Variants in SRGAP3 observed in about 807,000 individuals in gnomAD.
SRGAP3 encodes SLIT-ROBO Rho GTPase-activating protein 3.
Under a neutral mutation model 121.1 loss-of-function variants are expected in SRGAP3, and 39 were observed. The observed-to-expected ratio is 0.32, with a 90% CI of 0.25 to 0.42. The LOEUF is 0.42. Ranked by LOEUF, SRGAP3 falls within the 10% of genes least tolerant of loss-of-function variation. The pLI is 1.00. For missense variants in SRGAP3, 1,213 were observed against 1,470.6 expected (o/e 0.82, Z 2.86); for synonymous variants, 601 against 570.0 (o/e 1.05, Z -0.77).
intron 1 of SRGAP3, among the ~76,000 whole-genome samples, chr3:9,185,283 T>C (rs1016416777): frequency 2.0e-5 from 3 of 152,186 alleles, no homozygotes; most frequent in Admixed American, 6.5e-5. Flanking sequence ...TCTTCCACAC[T>C]GAGCCTCTCT....
At chr3:9,009,955 A>C (rs1223203952) in intron 18 of SRGAP3, among the ~76,000 whole-genome samples, 2 of 152,220 alleles carry the variant, frequency 1.3e-5, no homozygotes, top group African/African-American at 4.8e-5. Flanking sequence ...GGCACAGAGC[A>C]GACCCTCAAA....
intron 10 of SRGAP3, among the ~76,000 whole-genome samples, chr3:9,040,762 T>A (rs866301244): frequency 4.1e-4 from 62 of 152,272 alleles, no homozygotes; most frequent in African/African-American, 1.4e-3. Context: ...TCTTACTATG[T>A]TGCCCAGGCT....
At chr3:9,088,867 T>A (rs1055560034) in intron 3 of SRGAP3, among the ~76,000 whole-genome samples, 9 of 152,094 alleles carry the variant, frequency 5.9e-5, no homozygotes, top group Non-Finnish European at 1.2e-4. Flanking sequence ...GCCCCTTCGG[T>A]ACGGGCTTGT....
At chr3:9,269,953 GA>G (rs1225266023) in intron 3 of SRGAP3, among the ~76,000 whole-genome samples, 1 of 152,114 alleles carries the variant, frequency 6.6e-6, no homozygotes, top group Non-Finnish European at 1.5e-5. Flanking sequence ...AAATCATAAG[GA>G]AACGGTTCTC....
At chr3:9,212,713 CA>C (rs944560518) in intron 1 of SRGAP3, among the ~76,000 whole-genome samples, 45 of 152,050 alleles carry the variant, frequency 3.0e-4, no homozygotes, top group Non-Finnish European at 5.6e-4. Context: ...GACTCCGTCT[CA>C]AAAAAAGAAA....
At position 8,994,357 on chromosome 3, in the gene SRGAP3, T is replaced by C. The variant is rs1347379915; in HGVS notation, c.2394A>G (p.Ile798Met). 6.2e-7 allele frequency: 1 copy of C among 1,614,050 alleles called. No individual in the cohort carries two copies. The highest frequency in any genetic ancestry group is 8.5e-7 in the Non-Finnish European group (1 of 1,180,050). Residue 798 changes from isoleucine to methionine, a missense_variant, in exon 19 of 22, where the codon ATA becomes ATG. Ile to Met is a conservative substitution (Grantham distance 10). Coordinates refer to ENST00000383836, the MANE Select transcript of SRGAP3 (RefSeq NM_014850.4). Reference protein sequence around the residue: ...GVDGLIPHQYIVVQDMDDAFS... With the variant: ...GVDGLIPHQYMVVQDMDDAFS... ...ACTCCACTCACATGTCCTGTACAACTATGTACTGATGGGGGATGAGTCCAT... is the reference window on the plus strand; with the variant it reads ...ACTCCACTCACATGTCCTGTACAACCATGTACTGATGGGGGATGAGTCCAT...
chr3:9,189,597 C>T (rs143485173), intron 1 of SRGAP3, among the ~76,000 whole-genome samples: 570 of 152,320 alleles, frequency 3.7e-3, no homozygotes, highest in African/African-American at 0.013. Flanking sequence ...AATCCAGGGA[C>T]AGAAAACAGA....
chr3:9,068,075 C>T lies in SRGAP3; in HGVS notation c.487-3494G>A, dbSNP rs142936469. ...AGACAACCCTGGGTTCTTTGCCTCA[C>T]CACCATATTGCTGGTGTTTTTCATG... On this transcript the variant is annotated intron_variant, in intron 4 of 21. Coordinates refer to ENST00000383836, the MANE Select transcript of SRGAP3 (RefSeq NM_014850.4). 2.6e-5 allele frequency among the ~76,000 whole-genome samples: 4 copies of T among 152,334 alleles called. No individual in the cohort carries two copies. In the East Asian group the frequency reaches 7.7e-4, roughly 29 times the overall value.
chr3:9,359,918 T>A (rs1349990483), intron 1 of SRGAP3, among the ~76,000 whole-genome samples: 1 of 152,194 alleles, frequency 6.6e-6, no homozygotes, highest in African/African-American at 2.4e-5. Flanking sequence ...CTAGGCACAT[T>A]TGTGTACAAG....
intron 2 of SRGAP3, 87 bp downstream of exon 2, chr3:9,124,638 G>T (rs1949148730): frequency 6.4e-6 from 10 of 1,560,150 alleles, no homozygotes; most frequent in Non-Finnish European, 4.4e-6. Context: ...CAATGAAGCT[G>T]GCTGGCCTCC....
chr3:9,086,526 A>G (rs1340956513), intron 3 of SRGAP3, among the ~76,000 whole-genome samples: 2 of 151,154 alleles, frequency 1.3e-5, no homozygotes, highest in African/African-American at 4.9e-5. Flanking sequence ...TCAAAAAAAA[A>G]AAAAAAAAAA....
chr3:9,290,161 C>T (rs1954847645), intron 3 of SRGAP3, among the ~76,000 whole-genome samples: 1 of 152,112 alleles, frequency 6.6e-6, no homozygotes, highest in Admixed American at 6.5e-5. Context: ...GAAGCAAACA[C>T]AAGCCAGTTT....
chr3:9,285,047 G>A (rs1490831555), intron 3 of SRGAP3, among the ~76,000 whole-genome samples: 1 of 152,128 alleles, frequency 6.6e-6, no homozygotes, highest in African/African-American at 2.4e-5. Context: ...ACTTGGAAAG[G>A]GAAAAGTAAT....
chr3:9,213,413 G>A (rs1411012538), intron 1 of SRGAP3, among the ~76,000 whole-genome samples: 1 of 151,952 alleles, frequency 6.6e-6, no homozygotes, highest in Non-Finnish European at 1.5e-5. Context: ...AAGAGCAAAG[G>A]GGAAACACAA....
intron 1 of SRGAP3, among the ~76,000 whole-genome samples, chr3:9,180,125 GCTTCTACCAC>G (rs1394013217): frequency 2.6e-5 from 4 of 152,266 alleles, no homozygotes; most frequent in African/African-American, 9.6e-5. Context: ...GGACAGAATG[GCTTCTACCAC>G]CTTTCACAGC....
At chr3:9,163,642 C>T (rs900847146) in intron 1 of SRGAP3, among the ~76,000 whole-genome samples, 2 of 152,162 alleles carry the variant, frequency 1.3e-5, no homozygotes, top group African/African-American at 4.8e-5. Flanking sequence ...CAAAGGGCTT[C>T]CAGATGTTGG....
At chr3:9,000,744 C>A (rs938047943) in intron 18 of SRGAP3, among the ~76,000 whole-genome samples, 2 of 152,316 alleles carry the variant, frequency 1.3e-5, no homozygotes, top group African/African-American at 2.4e-5. Context: ...CAGAAACTAT[C>A]CCTATAATGG....
At chr3:9,038,393 C>T (rs1479424589) in intron 10 of SRGAP3, among the ~76,000 whole-genome samples, 4 of 152,248 alleles carry the variant, frequency 2.6e-5, no homozygotes, top group Non-Finnish European at 4.4e-5. Flanking sequence ...GTTAAAGATG[C>T]AGATTTCTTG....
At chr3:9,164,276 T>TTTTATTTATTTATCTATTTA (rs1950704104) in intron 1 of SRGAP3, among the ~76,000 whole-genome samples, 1 of 140,772 alleles carries the variant, frequency 7.1e-6, no homozygotes, top group Non-Finnish European at 1.6e-5. Context: ...ACCCAGACTA[T>TTTTATTTATTTATCTATTTA]TTTATTTATT....
Sources: gnomAD v4.1 joint callset for allele counts (sites outside exome capture counted in the v4.1 genomes callset) on GRCh38, gnomAD v4.1.1 for gene constraint, MANE v1.5 for transcripts, NCBI Gene and HGNC (gene_info 2026-07-23, HGNC 2026-07-21) for gene names.